NFATC2: variants seen among roughly 807,000 people sequenced by gnomAD.
NFATC2 encodes the protein nuclear factor of activated T cells 2, also known as nuclear factor of activated T-cells, cytoplasmic 2.
In NFATC2, 22 loss-of-function variants were observed where a neutral mutation model predicts 87.3. The ratio of observed to expected loss-of-function variants is 0.25; its 90% CI spans 0.18 to 0.36. The LOEUF is 0.36. NFATC2 is among the 10% of genes least tolerant of loss of function. The pLI is 1.00. For missense variants in NFATC2, 1,149 were observed against 1,259.1 expected (o/e 0.91, Z 1.32); for synonymous variants, 565 against 542.2 (o/e 1.04, Z -0.58).
At chr20:51,553,126 C>T (rs895073675) in intron 1 of NFATC2, among the ~76,000 whole-genome samples, 7 of 152,134 alleles carry the variant, frequency 4.6e-5, no homozygotes, top group African/African-American at 9.7e-5. Flanking sequence ...CCTACATTCC[C>T]GTATGGACCA....
Position 51,432,134 on chromosome 20 carries a change from C to A in NFATC2, c.2655G>T (p.Lys885Asn). 1 of 1,584,556 alleles carries A rather than the reference C, an allele frequency of 6.3e-7. No individual in the cohort carries two copies. Among genetic ancestry groups the A allele is most frequent in the Non-Finnish European group, 8.6e-7 (1 of 1,162,322 alleles). Residue 885 changes from lysine (K) to asparagine (N), a missense_variant, in exon 9 of 11, where the codon AAG (lysine) becomes AAT (asparagine). Coordinates refer to ENST00000371564, the MANE Select transcript of NFATC2 (RefSeq NM_012340.5). The surrounding 1 kb of genome is among the most constrained non-coding windows in gnomAD (Gnocchi z 4.6). ...AKNGPPVSDQ[K>N]EVLPAGVTIK... ...TGGTCACCCCCGCAGGTAATACTTCCTTTTGGTCACTGACCGGGGGTCCGT... is the reference window on the plus strand; with the variant it reads ...TGGTCACCCCCGCAGGTAATACTTCATTTTGGTCACTGACCGGGGGTCCGT...
rs200734364 is a variant in NFATC2 at position 51,432,625 on chromosome 20, C to G, written c.2164G>C (p.Val722Leu). 81 of 1,531,574 alleles carry G rather than the reference C, an allele frequency of 5.3e-5. No individual in the cohort carries two copies. The African/African-American group carries it at 9.8e-4, about 19-fold the overall frequency. 94.9% of individuals were successfully genotyped at this position (1,531,574 alleles called of 1,614,324 possible). A position where few individuals can be genotyped will look rare whatever the true frequency, so the allele number is the denominator to read the frequency against. ...PMVAESPSCL[V>L]ATMAPCQQFR... ...TGCTGGCAGGGAGCCATGGTGGCCA[C>G]GAGGCAGGAGGGGGACTCGGCCACC... Residue 722 changes from valine to leucine, a missense_variant, in exon 9 of 11, where the codon GTG (valine) becomes CTG (leucine). Transcript: ENST00000371564. The surrounding 1 kb of genome is among the most constrained non-coding windows in gnomAD (Gnocchi z 4.6).
chr20:51,499,474 C>T (rs192567259), intron 3 of NFATC2, among the ~76,000 whole-genome samples: 224 of 152,188 alleles, frequency 1.5e-3, no homozygotes, highest in African/African-American at 3.8e-3. Context: ...AAAACGCGGC[C>T]GGGCACGGTG....
intron 1 of NFATC2, among the ~76,000 whole-genome samples, chr20:51,526,905 A>G (rs1441104625): frequency 2.0e-5 from 3 of 151,528 alleles, no homozygotes; most frequent in Non-Finnish European, 4.4e-5. Context: ...GAGTGTGGTG[A>G]TTTTTGTTTT....
intron 3 of NFATC2, among the ~76,000 whole-genome samples, chr20:51,515,892 C>T (rs1298221886): frequency 1.3e-5 from 2 of 152,030 alleles, no homozygotes; most frequent in Non-Finnish European, 2.9e-5. Context: ...TTTTAAGAAC[C>T]ACCCTAGAGG....
In NFATC2 at chr20:51,409,004, A is replaced by G. The variant is rs181707851; in HGVS notation, c.2723-10274T>C. On this transcript the variant is annotated intron_variant, in intron 9 of 10. Coordinates refer to ENST00000371564, the MANE Select transcript of NFATC2 (RefSeq NM_012340.5). ...CCTTTCAGAAAAGAAATTTAACTAC[A>G]TGAAAATTTTCTGTTCACCGAAAGA... 2.7e-3 allele frequency among the ~76,000 whole-genome samples: 406 copies of G among 152,374 alleles called. 3 individuals carry two copies. The highest frequency in any genetic ancestry group is 9.3e-3 in the African/African-American group (387 of 41,588).
intron 1 of NFATC2, among the ~76,000 whole-genome samples, chr20:51,537,751 G>A (rs2076743734): frequency 6.6e-6 from 1 of 152,232 alleles, no homozygotes; most frequent in Non-Finnish European, 1.5e-5. Flanking sequence ...CCCTTCCAGG[G>A]TGGGATCAGT....
At chr20:51,458,304 G>A (rs1395286165) in intron 5 of NFATC2, among the ~76,000 whole-genome samples, 2 of 152,062 alleles carry the variant, frequency 1.3e-5, no homozygotes, top group African/African-American at 2.4e-5. Flanking sequence ...ATGTTTAGCA[G>A]CATCCTTGGG....
At chr20:51,527,190 C>A (rs961729256) in intron 1 of NFATC2, among the ~76,000 whole-genome samples, 1 of 152,092 alleles carries the variant, frequency 6.6e-6, no homozygotes, top group Non-Finnish European at 1.5e-5. Flanking sequence ...CGAGAACAAC[C>A]GTGTCTGGCA....
intron 10 of NFATC2, among the ~76,000 whole-genome samples, chr20:51,396,206 C>A (rs1434707939): frequency 1.3e-5 from 2 of 151,542 alleles, no homozygotes; most frequent in African/African-American, 4.8e-5. Context: ...AAACTGACTT[C>A]TGTTAGTATC....
At chr20:51,434,163 C>CT (rs1826909845) in intron 8 of NFATC2, among the ~76,000 whole-genome samples, 2 of 151,936 alleles carry the variant, frequency 1.3e-5, no homozygotes, top group Admixed American at 6.6e-5. Flanking sequence ...CAACACAAAA[C>CT]TGTGGGCACA....
chr20:51,432,764 G>A lies in NFATC2; in HGVS notation c.2033-8C>T. ...CCGTCTTGATGGCTGGGACTGGGAG[G>A]AGAAAAGAGCACATAGGGGCGCCCA... On this transcript the variant is annotated splice_region_variant and splice_polypyrimidine_tract_variant and intron_variant, in intron 8 of 10. Coordinates refer to ENST00000371564, the MANE Select transcript of NFATC2 (RefSeq NM_012340.5). The surrounding 1 kb of genome is among the most constrained non-coding windows in gnomAD (Gnocchi z 4.6). 3.2e-6 allele frequency: 5 copies of A among 1,560,754 alleles called. No individual in the cohort carries two copies. Among genetic ancestry groups the A allele is most frequent in the Middle Eastern group, 2.0e-4 (1 of 5,084 alleles).
intron 1 of NFATC2, among the ~76,000 whole-genome samples, chr20:51,557,267 C>T (rs566530150): frequency 2.0e-5 from 3 of 152,198 alleles, no homozygotes; most frequent in South Asian, 2.1e-4. Context: ...AAAAGATGAT[C>T]GCCCTATTAT....
intron 5 of NFATC2, among the ~76,000 whole-genome samples, chr20:51,455,791 AGTGGATGGGTGG>A (rs1457696007): frequency 1.3e-4 from 2 of 15,876 alleles, no homozygotes; most frequent in African/African-American, 6.2e-4. Flanking sequence ...TGGATGGATG[AGTGGATGGGTGG>A]GTGGGTGGGT....
Position 51,435,297 on chromosome 20 carries a change from C to T in NFATC2, c.1923G>A (p.Glu641=). The change falls in exon 8 of 11, where the codon GAG becomes GAA. Residue 641 remains glutamate, a synonymous_variant. Transcript: ENST00000371564. ...TATGCTTGTTCCGATATTCAGGGAT[C>T]TCAACAAAAAGCATGTTCTATAAGG... is the stretch of plus-strand genomic sequence containing the variant. ...DKSQPNMLFV[E]IPEYRNKHIR... 1 of 1,614,108 alleles carries T rather than the reference C, an allele frequency of 6.2e-7. No homozygotes were observed. The highest frequency in any genetic ancestry group is 8.5e-7 in the Non-Finnish European group (1 of 1,180,002).
intron 9 of NFATC2, among the ~76,000 whole-genome samples, chr20:51,407,049 A>T (rs1978427495): frequency 6.6e-6 from 1 of 152,122 alleles, no homozygotes. Flanking sequence ...TACGCTATTC[A>T]CGTCAAGCCT....
At position 51,515,002 on chromosome 20, in the gene NFATC2, G is replaced by A. The variant is rs3787188; in HGVS notation, c.1332+1782C>T. ...ACCTTCATTTCAGCTCTCTGCCTGG[G>A]GACAGCTCCCCTGCCACGTGCAGGA... On this transcript the variant is annotated intron_variant, in intron 3 of 10. Transcript: ENST00000371564. Among the ~76,000 whole-genome samples, 484 of 152,300 alleles carry A rather than the reference G, an allele frequency of 3.2e-3. 13 individuals carry two copies. In the East Asian group the frequency reaches 0.06, roughly 19 times the overall value.
intron 3 of NFATC2, among the ~76,000 whole-genome samples, chr20:51,506,738 C>A (rs1224650853): frequency 3.2e-5 from 2 of 63,078 alleles, no homozygotes; most frequent in African/African-American, 9.7e-5. Context: ...CGGGTTGCAG[C>A]GAGATGGCTC....
chr20:51,538,507 T>C (rs976564779), intron 1 of NFATC2, among the ~76,000 whole-genome samples: 3 of 152,188 alleles, frequency 2.0e-5, no homozygotes, highest in African/African-American at 7.2e-5. Context: ...CATGTAACAC[T>C]CTACTGGAGG....
Sources: gnomAD v4.1 joint callset for allele counts (sites outside exome capture counted in the v4.1 genomes callset) on GRCh38, gnomAD v4.1.1 for gene constraint, Gnocchi (gnomAD v3.1) non-coding constraint, MANE v1.5 for transcripts, NCBI Gene and HGNC (gene_info 2026-07-23, HGNC 2026-07-21) for gene names.